Variants in SAMD5 observed in about 807,000 individuals in gnomAD.
SAMD5 encodes the protein sterile alpha motif domain containing 5, also known as sterile alpha motif domain-containing protein 5.
In SAMD5, 13 loss-of-function variants were observed where a neutral mutation model predicts 11.3. That is an observed-to-expected ratio of 1.15 (90% CI 0.75 to 1.83). The LOEUF is 1.83. Among genes scored for constraint, SAMD5 ranks in the 40% most tolerant of loss-of-function variants. The probability of loss-of-function intolerance (pLI) is 0.00; values close to 1 mark genes in which losing one functional copy is unlikely to be tolerated. For synonymous variants in SAMD5, 129 were observed against 111.3 expected (o/e 1.16, Z -1.00); for missense variants, 255 against 239.1 (o/e 1.07, Z -0.44).
chr6:147,925,228 C>A, the SAMD5 span, among the ~76,000 whole-genome samples: 1 of 152,244 alleles, frequency 6.6e-6, no homozygotes, highest in East Asian at 1.9e-4. Context: ...AGAGAACTTG[C>A]TCACTCTCTC....
the SAMD5 span, among the ~76,000 whole-genome samples, chr6:147,905,069 G>A: frequency 3.3e-5 from 5 of 151,948 alleles, no homozygotes; most frequent in East Asian, 9.7e-4. Flanking sequence ...TTTATTTTTA[G>A]TCGAGACGGG....
At chr6:147,682,882 C>A (rs1470841583) in intron 1 of SAMD5, among the ~76,000 whole-genome samples, 1 of 152,078 alleles carries the variant, frequency 6.6e-6, no homozygotes, top group Admixed American at 6.6e-5. Context: ...TGTAGAAATA[C>A]CTTACTTTAC....
At chr6:147,929,433 G>A in the SAMD5 span, among the ~76,000 whole-genome samples, 6 of 151,870 alleles carry the variant, frequency 4.0e-5, no homozygotes, top group Admixed American at 6.6e-5. Flanking sequence ...CTAACACCCC[G>A]TTTTAATATA....
In SAMD5 at chr6:147,561,767, C is replaced by T. The variant is rs577573042; in HGVS notation, c.460-2627C>T. ...GTCAGAATTTTAAAACCGTTCATTT[C>T]TGTTCCACTTGAAGAGTGAGATCTA... On this transcript the variant is annotated intron_variant, in intron 1 of 1. Coordinates refer to ENST00000367474, the MANE Select transcript of SAMD5 (RefSeq NM_001030060.3). Among the ~76,000 whole-genome samples the T allele has an allele frequency of 9.9e-5, 15 of 152,280 alleles. 1 individual carries two copies. Among genetic ancestry groups the T allele is most frequent in the African/African-American group, 3.6e-4 (15 of 41,572 alleles).
the SAMD5 span, among the ~76,000 whole-genome samples, chr6:147,940,008 T>G: frequency 3.3e-5 from 5 of 151,992 alleles, no homozygotes; most frequent in Non-Finnish European, 5.9e-5. Context: ...TAAAGGAGAA[T>G]AGAAATCAGC....
In SAMD5 at chr6:147,517,737, C is replaced by G. The variant is rs540752838; in HGVS notation, c.459+8350C>G. On this transcript the variant is annotated intron_variant, in intron 1 of 1. Coordinates refer to ENST00000367474, the MANE Select transcript of SAMD5 (RefSeq NM_001030060.3). ...TTGGAGTATCTTCAGTGGTGGCAAG[C>G]CTTCATTCTTATCAGATAGATCTGG... is the stretch of plus-strand genomic sequence containing the variant. Among the ~76,000 whole-genome samples, 48 of 152,132 alleles carry G rather than the reference C, an allele frequency of 3.2e-4. No individual in the cohort carries two copies. In the South Asian group the frequency reaches 9.1e-3, roughly 29 times the overall value.
the SAMD5 span, among the ~76,000 whole-genome samples, chr6:147,888,394 T>C: frequency 6.6e-6 from 1 of 152,080 alleles, no homozygotes; most frequent in Non-Finnish European, 1.5e-5. Flanking sequence ...TCACTGAGCC[T>C]TAATTTTGAA....
chr6:147,613,970 C>T (rs997268380), intron 1 of SAMD5, among the ~76,000 whole-genome samples: 4 of 151,916 alleles, frequency 2.6e-5, no homozygotes, highest in African/African-American at 9.7e-5. Context: ...TTCCTGCCCC[C>T]CAGGGAGTAC....
At chr6:147,589,570 T>C (rs889455913) in intron 1 of SAMD5, among the ~76,000 whole-genome samples, 1 of 152,096 alleles carries the variant, frequency 6.6e-6, no homozygotes, top group African/African-American at 2.4e-5. Context: ...GGCGTCCTCA[T>C]CTGAGCACAG....
the SAMD5 span, among the ~76,000 whole-genome samples, chr6:147,767,676 C>T: frequency 6.6e-6 from 1 of 152,148 alleles, no homozygotes; most frequent in Non-Finnish European, 1.5e-5. Context: ...GGAGAAAGCC[C>T]TCACCAGGGA....
the SAMD5 span, among the ~76,000 whole-genome samples, chr6:147,915,203 A>G: frequency 6.6e-6 from 1 of 152,234 alleles, no homozygotes; most frequent in African/African-American, 2.4e-5. Flanking sequence ...AAACATCTCT[A>G]TTCTCATGAA....
chr6:147,533,750 A>AG (rs1341180610), intron 1 of SAMD5, among the ~76,000 whole-genome samples: 2 of 152,128 alleles, frequency 1.3e-5, no homozygotes, highest in Non-Finnish European at 2.9e-5. Flanking sequence ...GATCCAAGAA[A>AG]GCTGATGTTG....
At chr6:147,520,983 A>G (rs1289549892) in intron 1 of SAMD5, among the ~76,000 whole-genome samples, 1 of 152,108 alleles carries the variant, frequency 6.6e-6, no homozygotes, top group Non-Finnish European at 1.5e-5. Context: ...TCTAATTGAA[A>G]TTTTATACCC....
At chr6:147,584,865 T>C (rs1789351881) in intron 1 of SAMD5, among the ~76,000 whole-genome samples, 1 of 152,182 alleles carries the variant, frequency 6.6e-6, no homozygotes, top group Admixed American at 6.5e-5. Context: ...TTAGAAAATG[T>C]GACAGAAAGG....
At chr6:147,627,383 T>G (rs1317475825) in intron 1 of SAMD5, among the ~76,000 whole-genome samples, 1 of 152,188 alleles carries the variant, frequency 6.6e-6, no homozygotes, top group African/African-American at 2.4e-5. Flanking sequence ...TCATACTAAT[T>G]TGTATTTCTC....
At chr6:147,770,392 C>T in the SAMD5 span, among the ~76,000 whole-genome samples, 1 of 152,154 alleles carries the variant, frequency 6.6e-6, no homozygotes, top group Non-Finnish European at 1.5e-5. Flanking sequence ...CTGCCTAAAT[C>T]CACATGAACT....
chr6:147,874,010 T>A, the SAMD5 span, among the ~76,000 whole-genome samples: 1 of 152,218 alleles, frequency 6.6e-6, no homozygotes, highest in Non-Finnish European at 1.5e-5. Flanking sequence ...TCATCAAAAG[T>A]TACAGCATTT....
At chr6:147,676,026 T>C (rs1583135035) in intron 1 of SAMD5, 1 of 152,182 alleles carries the variant, frequency 6.6e-6, no homozygotes, top group Non-Finnish European at 1.5e-5. Context: ...GGTGAAAGCG[T>C]GGAGTAAGTT....
At chr6:147,750,586 T>A in the SAMD5 span, among the ~76,000 whole-genome samples, 1 of 152,206 alleles carries the variant, frequency 6.6e-6, no homozygotes, top group South Asian at 2.1e-4. Flanking sequence ...TTCTCACAGT[T>A]TGATGAGGCT....
Sources: allele counts gnomAD v4.1 joint callset (sites outside exome capture counted in the v4.1 genomes callset), GRCh38; gene constraint gnomAD v4.1.1; transcripts MANE v1.5; gene names NCBI Gene and HGNC (gene_info 2026-07-23, HGNC 2026-07-21).